Variants in DNMBP observed in about 807,000 individuals in gnomAD.
DNMBP encodes the protein dynamin binding protein.
DNMBP carries 87 observed loss-of-function variants against 150.0 expected under a neutral mutation model. The observed-to-expected ratio is 0.58, with a 90% CI of 0.49 to 0.69. The LOEUF (loss-of-function observed/expected upper bound fraction) is 0.69, where lower values mean the gene tolerates loss of function less well. DNMBP is among the 30% of genes least tolerant of loss of function. The pLI is 0.00. For missense variants in DNMBP, 1,774 were observed against 1,949.0 expected, an observed-to-expected ratio of 0.91 and a Z score of 1.69; for synonymous variants, 711 against 750.4, an observed-to-expected ratio of 0.95 and a Z score of 0.86.
chr10:99,930,245 T>G (rs1314546115), intron 4 of DNMBP: 22 of 702,818 alleles, frequency 3.1e-5, no homozygotes, highest in Non-Finnish European at 5.7e-5. Context: ...ACAACTGAGG[T>G]TGACCTAAAT....
At chr10:99,923,125 T>G (rs2040041566) in intron 4 of DNMBP, among the ~76,000 whole-genome samples, 1 of 151,768 alleles carries the variant, frequency 6.6e-6, no homozygotes, top group Non-Finnish European at 1.5e-5. Flanking sequence ...GTGTGGTGGC[T>G]CACACCTGTA....
intron 1 of DNMBP, among the ~76,000 whole-genome samples, chr10:99,980,014 A>G (rs1180536114): frequency 6.6e-6 from 1 of 152,128 alleles, no homozygotes; most frequent in East Asian, 1.9e-4. Flanking sequence ...AGGTCCACTC[A>G]TTTGCCATGT....
At chr10:99,987,361 A>G (rs958746618) in intron 1 of DNMBP, among the ~76,000 whole-genome samples, 1 of 152,108 alleles carries the variant, frequency 6.6e-6, no homozygotes, top group African/African-American at 2.4e-5. Flanking sequence ...GAAAAAGAAA[A>G]TAATATATCC....
chr10:99,926,640 C>T (rs745626232), intron 4 of DNMBP, among the ~76,000 whole-genome samples: 24 of 152,208 alleles, frequency 1.6e-4, no homozygotes, highest in Non-Finnish European at 2.5e-4. Context: ...AGGTTCCAGT[C>T]TGGGGGCTCT....
At chr10:99,953,436 T>C (rs1276915342) in intron 4 of DNMBP, among the ~76,000 whole-genome samples, 1 of 152,030 alleles carries the variant, frequency 6.6e-6, no homozygotes, top group African/African-American at 2.4e-5. Context: ...GCCATATGAA[T>C]TATCATTGTA....
chr10:99,951,406 A>G (rs1176445577), intron 4 of DNMBP, among the ~76,000 whole-genome samples: 6 of 152,210 alleles, frequency 3.9e-5, no homozygotes, highest in Non-Finnish European at 8.8e-5. Context: ...AAAATCTTCC[A>G]GACCCCAGAA....
intron 1 of DNMBP, among the ~76,000 whole-genome samples, chr10:99,999,712 G>A (rs552138169): frequency 2.2e-4 from 33 of 152,302 alleles, no homozygotes; most frequent in East Asian, 1.2e-3. Context: ...AGGTAGGTAC[G>A]TATAGGAAAA....
rs1176842171 is a variant in DNMBP, at chr10:99,886,333, G to A, written c.3585C>T (p.His1195=). 2.5e-6 allele frequency: 4 copies of A among 1,613,962 alleles called. No homozygotes were observed. Among genetic ancestry groups the A allele is most frequent in the Non-Finnish European group, 2.5e-6 (3 of 1,179,830 alleles). ...GYAEAHCDFV[H]QALEQLKPLL... ...GTGGCTTTAATTGCTCCAGAGCCTG[G>A]TGCACAAAGTCACAGTGGGCTTCAG... Residue 1195 remains histidine, a synonymous_variant, in exon 13 of 17, where the codon CAC becomes CAT. Transcript: ENST00000324109.
intron 3 of DNMBP, among the ~76,000 whole-genome samples, chr10:99,961,425 C>T (rs1439888386): frequency 1.4e-5 from 2 of 143,992 alleles, no homozygotes; most frequent in African/African-American, 5.2e-5. Context: ...CAGGCATGCG[C>T]CACCATACCT....
At chr10:99,894,141 T>TG (rs2039617552) in intron 11 of DNMBP, among the ~76,000 whole-genome samples, 1 of 152,048 alleles carries the variant, frequency 6.6e-6, no homozygotes, top group Non-Finnish European at 1.5e-5. Flanking sequence ...TAGCCAGGTG[T>TG]GGTGGTGTGC....
intron 3 of DNMBP, among the ~76,000 whole-genome samples, chr10:99,961,709 C>T (rs2040567709): frequency 6.6e-6 from 1 of 152,216 alleles, no homozygotes. Context: ...GTTTTACCAT[C>T]TCCCTCCCCG....
chr10:99,993,882 TA>T (rs2133380391), intron 1 of DNMBP, among the ~76,000 whole-genome samples: 1 of 152,240 alleles, frequency 6.6e-6, no homozygotes, highest in African/African-American at 2.4e-5. Context: ...GAAATTTAAA[TA>T]GCTTCCCTAT....
At chr10:99,886,923 CTGATA>C (rs1328981718) in intron 12 of DNMBP, among the ~76,000 whole-genome samples, 1 of 152,184 alleles carries the variant, frequency 6.6e-6, no homozygotes, top group Non-Finnish European at 1.5e-5. Flanking sequence ...AAGCTGCACA[CTGATA>C]TGATGTGTGC....
At chr10:99,974,035 T>A (rs1428680037) in intron 1 of DNMBP, among the ~76,000 whole-genome samples, 1 of 152,060 alleles carries the variant, frequency 6.6e-6, no homozygotes, top group Non-Finnish European at 1.5e-5. Flanking sequence ...ATGCCTATAA[T>A]CCTAGCACTT....
At chr10:99,912,354 A>G (rs11190316) in intron 4 of DNMBP, among the ~76,000 whole-genome samples, 48,566 of 151,976 alleles carry the variant, frequency 0.32, 8,350 homozygotes, top group Non-Finnish European at 0.39. Context: ...ATAGTAGTTG[A>G]AAACACAAAG....
intron 1 of DNMBP, among the ~76,000 whole-genome samples, chr10:99,982,680 C>G (rs952534857): frequency 6.6e-6 from 1 of 151,946 alleles, no homozygotes; most frequent in Non-Finnish European, 1.5e-5. Flanking sequence ...AGGCTGGGCA[C>G]GGTGGCTCAC....
At chr10:99,951,566 G>A (rs891557078) in intron 4 of DNMBP, among the ~76,000 whole-genome samples, 13 of 152,306 alleles carry the variant, frequency 8.5e-5, no homozygotes, top group Middle Eastern at 6.8e-3. Flanking sequence ...CTCTTGCATC[G>A]GTGTGACCTC....
At position 99,879,867 on chromosome 10, in the gene DNMBP, G is replaced by A. The variant is rs1304790318; in HGVS notation, c.4492C>T (p.Gln1498Ter). ...DLVKGCARTAQAPEDRSTEPD... is the reference protein window; with the variant it reads ...DLVKGCARTA ...TCTGTACTTCTGTCTTCCGGAGCCT[G>A]GGCTGTTCTTGCACATCCTTTGACG... Residue 1498 changes from glutamine to a stop codon, truncating the protein, a stop_gained, in exon 16 of 17, where the codon CAG (glutamine) becomes TAG (stop). Transcript: ENST00000324109. LOFTEE classifies it high-confidence loss of function. The A allele has an allele frequency of 3.7e-6, 6 of 1,614,136 alleles. No homozygotes were observed. The South Asian group carries it at 5.5e-5, about 15-fold the overall frequency.
At position 99,898,748 on chromosome 10, in the gene DNMBP, G is replaced by A. The variant is rs775889366; in HGVS notation, c.2715C>T (p.Asn905=). ...CAAGCAGCAATGGAACTTACCATTCGTTGTATAGGCTCCTGCAAGGCAGTG... is the reference window on the plus strand; with the variant it reads ...CAAGCAGCAATGGAACTTACCATTCATTGTATAGGCTCCTGCAAGGCAGTG... ...DSLADLKSLY[N]EWGCTNYINL... is the part of the protein sequence containing the mutation. Residue 905 remains asparagine, a synonymous_variant, in exon 8 of 17, where the codon AAC becomes AAT. Coordinates refer to ENST00000324109, the MANE Select transcript of DNMBP (RefSeq NM_015221.4). 15 of 1,613,694 alleles carry A rather than the reference G, an allele frequency of 9.3e-6. No homozygotes were observed. Among genetic ancestry groups the A allele is most frequent in the South Asian group, 3.3e-5 (3 of 91,064 alleles).
Sources: gnomAD v4.1 joint callset for allele counts (sites outside exome capture counted in the v4.1 genomes callset) on GRCh38, gnomAD v4.1.1 for gene constraint, MANE v1.5 for transcripts, NCBI Gene and HGNC (gene_info 2026-07-23, HGNC 2026-07-21) for gene names.